The following NAV1 variants were observed in gnomAD, a reference collection of about 807,000 sequenced individuals.
The protein encoded by NAV1 is pore membrane and/or filament interacting like protein 3.
Under a neutral mutation model 175.2 loss-of-function variants are expected in NAV1, and 18 were observed. That is an observed-to-expected ratio of 0.10 (90% CI 0.07 to 0.15). NAV1 has a LOEUF of 0.15. Among genes scored for constraint, NAV1 ranks in the 10% least tolerant of loss-of-function variants. The pLI, the probability that NAV1 is intolerant of heterozygous loss-of-function variation, is 1.00. For synonymous variants in NAV1, 897 were observed against 978.7 expected (o/e 0.92, Z 1.56); for missense variants, 1,731 against 2,436.6 (o/e 0.71, Z 6.10).
intron 3 of NAV1, among the ~76,000 whole-genome samples, chr1:201,773,647 A>G (rs774489452): frequency 2.0e-5 from 3 of 152,216 alleles, no homozygotes; most frequent in African/African-American, 4.8e-5. Context: ...AGTTGAAGAC[A>G]TACCTAAGTT....
chr1:201,824,734 G>A (rs1182978653), exon 30 of NAV1: 1 of 152,102 alleles, frequency 6.6e-6, no homozygotes, highest in Non-Finnish European at 1.5e-5. Flanking sequence ...GGAAGTAAGT[G>A]AGTGATCCCC....
At position 201,708,052 on chromosome 1, in the gene NAV1, CCTGT is replaced by C. The variant is rs147040474; in HGVS notation, c.758-4759_758-4756del. Among the ~76,000 whole-genome samples, 572 of 152,186 alleles carry C rather than the reference CCTGT, an allele frequency of 3.8e-3. 4 individuals carry two copies. The highest frequency in any genetic ancestry group is 5.6e-3 in the Non-Finnish European group (378 of 67,998). On this transcript the variant is annotated intron_variant, in intron 1 of 29. Coordinates refer to ENST00000367296, the Ensembl canonical transcript of NAV1. ...ATTATTTGATTTGTGTGTGCATGCA[CCTGT>C]CTGTCAAGTGTATTTGATTGCTAGT...
chr1:201,764,310 T>C (rs1246212469), intron 3 of NAV1, among the ~76,000 whole-genome samples: 1 of 152,218 alleles, frequency 6.6e-6, no homozygotes, highest in Admixed American at 6.5e-5. Flanking sequence ...GTTTATTTTC[T>C]CACAGTTCCG....
upstream of NAV1, among the ~76,000 whole-genome samples, chr1:201,618,150 C>A (rs1668056502): frequency 6.6e-6 from 1 of 152,294 alleles, no homozygotes; most frequent in South Asian, 2.1e-4. Flanking sequence ...TCCCCAGCCA[C>A]CCCACCCCTG....
intron 1 of NAV1, among the ~76,000 whole-genome samples, chr1:201,712,300 A>G (rs1279283502): frequency 6.6e-6 from 1 of 152,222 alleles, no homozygotes; most frequent in Non-Finnish European, 1.5e-5. Context: ...CTCTGTGGTC[A>G]GTGACATCAG....
intron 3 of NAV1, among the ~76,000 whole-genome samples, chr1:201,746,037 AG>A (rs1673748933): frequency 6.6e-6 from 1 of 151,720 alleles, no homozygotes; most frequent in Non-Finnish European, 1.5e-5. Flanking sequence ...CGTGTTGTCC[AG>A]GCTGTTTTCT....
At chr1:201,586,423 C>A (rs1002254148) in intron 1 of NAV1, among the ~76,000 whole-genome samples, 1 of 152,130 alleles carries the variant, frequency 6.6e-6, no homozygotes, top group African/African-American at 2.4e-5. Flanking sequence ...TAATCAATAC[C>A]ACCTGTATTA....
intron 1 of NAV1, among the ~76,000 whole-genome samples, chr1:201,663,351 G>C (rs556807247): frequency 6.6e-6 from 1 of 151,980 alleles, no homozygotes; most frequent in African/African-American, 2.4e-5. Flanking sequence ...CCTTATGTTC[G>C]AGCCCATGAC....
intron 1 of NAV1, among the ~76,000 whole-genome samples, chr1:201,573,849 T>C (rs1469333794): frequency 6.6e-6 from 1 of 152,112 alleles, no homozygotes; most frequent in East Asian, 1.9e-4. Flanking sequence ...AAGTTAAGAA[T>C]GCCTAGTCCC....
At position 201,549,097 on chromosome 1, in the gene NAV1, TTCTTTC is replaced by T. The variant is rs1436699255; in HGVS notation, c.-144+9757_-144+9762del. On this transcript the variant is annotated intron_variant, in intron 1 of 33. Coordinates refer to the NAV1 transcript ENST00000685211. ...GTTTTCTCTTTCTTTCTTTCTTTCT[TTCTTTC>T]TTTCTTTCTTTCTTTCTTTCTTTCT... Among the ~76,000 whole-genome samples the T allele has an allele frequency of 4.2e-5, 6 of 141,198 alleles. No homozygotes were observed. In the East Asian group the frequency reaches 1.2e-3, roughly 28 times the overall value. The allele number at this position is 141,198 out of a possible 152,430, so 92.6% of individuals were successfully genotyped here.
At chr1:201,663,427 C>T (rs1669690978) in intron 1 of NAV1, among the ~76,000 whole-genome samples, 1 of 152,202 alleles carries the variant, frequency 6.6e-6, no homozygotes, top group Non-Finnish European at 1.5e-5. Flanking sequence ...GCCATGTCCT[C>T]ATTTCTGGGC....
rs1267123296 is a variant in NAV1, at chr1:201,694,493, G to A, written c.758-18324G>A. The stretch of plus-strand genomic sequence containing the variant: ...ACCAGCTGCTGGGGCTTCTTGCCCT[G>A]AGTTAGGCTGGGGATCATTTGCAGG... On this transcript the variant is annotated intron_variant, in intron 1 of 29. Transcript: ENST00000367296. The surrounding 1 kb of genome is among the most constrained non-coding windows in gnomAD (Gnocchi z 4.2). 6.6e-6 allele frequency among the ~76,000 whole-genome samples: 1 copy of A among 152,186 alleles called. No homozygotes were observed. The highest frequency in any genetic ancestry group is 2.4e-5 in the African/African-American group (1 of 41,440).
chr1:201,683,615 G>A (rs1360410978), intron 1 of NAV1, among the ~76,000 whole-genome samples: 1 of 152,184 alleles, frequency 6.6e-6, no homozygotes, highest in Non-Finnish European at 1.5e-5. Flanking sequence ...TAGGGTTCCT[G>A]CTGTGTGGCA....
chr1:201,558,752 G>C (rs143298495), intron 1 of NAV1, among the ~76,000 whole-genome samples: 3 of 151,940 alleles, frequency 2.0e-5, no homozygotes, highest in Admixed American at 1.3e-4. Context: ...GCCCGGCACA[G>C]GTGTGGTGTT....
intron 3 of NAV1, among the ~76,000 whole-genome samples, chr1:201,727,160 T>C (rs1261063597): frequency 1.3e-5 from 2 of 152,336 alleles, no homozygotes; most frequent in East Asian, 3.9e-4. Flanking sequence ...TTAGATATCA[T>C]ACATGCTCAA....
chr1:201,750,792 G>A lies in NAV1; in HGVS notation c.1227-29629G>A, dbSNP rs1041871772. 5.9e-5 allele frequency among the ~76,000 whole-genome samples: 9 copies of A among 151,902 alleles called. No homozygotes were observed. The highest frequency in any genetic ancestry group is 8.8e-5 in the Non-Finnish European group (6 of 67,976). On this transcript the variant is annotated intron_variant, in intron 3 of 29. Coordinates refer to ENST00000367296, the Ensembl canonical transcript of NAV1. This position sits in a 1 kb window ranked among gnomAD's most constrained non-coding sequence, Gnocchi z 4.1. ...TTGGCCTGCCTGCCTTTCTGAGATC[G>A]GAGGAGGCCTGGAGGGTGGGGTGAA...
chr1:201,714,146 A>G (rs556390029), intron 2 of NAV1, among the ~76,000 whole-genome samples: 1 of 152,196 alleles, frequency 6.6e-6, no homozygotes, highest in African/African-American at 2.4e-5. Context: ...CCTGGCCTCA[A>G]GTGATCCACA....
intron 1 of NAV1, among the ~76,000 whole-genome samples, chr1:201,706,100 A>G (rs1571896844): frequency 6.6e-6 from 1 of 152,220 alleles, no homozygotes; most frequent in South Asian, 2.1e-4. Context: ...ATTCCCAAAG[A>G]CGTTTGACTC....
chr1:201,552,843 T>A (rs1665902647), intron 1 of NAV1, among the ~76,000 whole-genome samples: 1 of 152,138 alleles, frequency 6.6e-6, no homozygotes, highest in Non-Finnish European at 1.5e-5. Flanking sequence ...CGGGGTAGAT[T>A]TATCCCCAAA....
Sources: allele counts gnomAD v4.1 joint callset (sites outside exome capture counted in the v4.1 genomes callset), GRCh38; gene constraint gnomAD v4.1.1; non-coding constraint Gnocchi (gnomAD v3.1); transcripts MANE v1.5; gene names NCBI Gene and HGNC (gene_info 2026-07-23, HGNC 2026-07-21).